Variants in GTF2H2C observed in about 807,000 individuals in gnomAD.
The protein encoded by GTF2H2C is general transcription factor IIH subunit 2-like protein.
Under a neutral mutation model 24.8 loss-of-function variants are expected in GTF2H2C, and 5 were observed. The observed-to-expected ratio is 0.20, with a 90% CI of 0.11 to 0.42. The LOEUF is 0.42. Among genes scored for constraint, GTF2H2C ranks in the 20% least tolerant of loss-of-function variants. The pLI, the probability that GTF2H2C is intolerant of heterozygous loss-of-function variation, is 1.00. For missense variants in GTF2H2C, 45 were observed against 169.8 expected (o/e 0.27, Z 4.08); for synonymous variants, 14 against 52.6 (o/e 0.27, Z 3.18).
At chr5:69,573,171 C>CAA (rs1771169987) in intron 9 of GTF2H2C, among the ~76,000 whole-genome samples, 2 of 145,230 alleles carry the variant, frequency 1.4e-5, no homozygotes, top group African/African-American at 2.5e-5. Flanking sequence ...CACACACACA[C>CAA]ACACACACAC....
intron 1 of GTF2H2C, among the ~76,000 whole-genome samples, chr5:69,560,885 G>A (rs1377191498): frequency 6.6e-6 from 1 of 151,692 alleles, no homozygotes; most frequent in East Asian, 1.9e-4. Context: ...AGCCTCCCGA[G>A]TAGCTGGAAC....
At chr5:69,563,316 G>A (rs538132528) in intron 2 of GTF2H2C, among the ~76,000 whole-genome samples, 115 of 149,522 alleles carry the variant, frequency 7.7e-4, no homozygotes, top group African/African-American at 2.8e-3. Context: ...CCAGGTTCAA[G>A]GAATTCTCCT....
chr5:69,573,481 G>A (rs1771203948), intron 9 of GTF2H2C, among the ~76,000 whole-genome samples: 1 of 53,200 alleles, frequency 1.9e-5, no homozygotes, highest in Non-Finnish European at 3.8e-5. Flanking sequence ...AGTCTGCCCT[G>A]GCTCAGACTT....
At chr5:69,591,563 A>G (rs1428576622) in intron 16 of GTF2H2C, among the ~76,000 whole-genome samples, 7 of 151,820 alleles carry the variant, frequency 4.6e-5, no homozygotes, top group African/African-American at 1.2e-4. Flanking sequence ...GCAAGTACTC[A>G]TATATGTAAT....
In GTF2H2C at chr5:69,594,443, AC is replaced by A; in HGVS notation, c.*2246del. On this transcript the variant is annotated 3_prime_UTR_variant, in exon 17 of 17. Transcript: ENST00000380729. ...AGGAATATTCATTTTTAATACACAC[AC>A]ACACACACACACACACACACACACA... 3 of 142,380 alleles carry A rather than the reference AC, an allele frequency of 2.1e-5. No individual in the cohort carries two copies. Among genetic ancestry groups the A allele is most frequent in the Non-Finnish European group, 3.1e-5 (2 of 64,242 alleles). 8.8% of individuals were successfully genotyped at this position (142,380 alleles called of 1,614,324 possible).
Position 69,594,055 on chromosome 5 carries a change from ATT to A in GTF2H2C, c.*1875_*1876del, listed in dbSNP as rs1162526295. Among the ~76,000 whole-genome samples, 44 of 13,288 alleles carry A rather than the reference ATT, an allele frequency of 3.3e-3. No homozygotes were observed. The highest frequency in any genetic ancestry group is 6.8e-3 in the African/African-American group (28 of 4,130). 8.7% of individuals were successfully genotyped at this position (13,288 alleles called of 152,430 possible). ...CTTGAGTTTCACTATGAAATTTGTG[ATT>A]TTTTTTTTTTTTTTTTTGAGATGGA... On this transcript the variant is annotated 3_prime_UTR_variant, in exon 17 of 17. Coordinates refer to ENST00000380729, the MANE Select transcript of GTF2H2C (RefSeq NM_001376000.2).
At chr5:69,578,989 TA>T in intron 10 of GTF2H2C, 31 bp from the exon 11 acceptor site, 1 of 101,492 alleles carries the variant, frequency 9.9e-6, no homozygotes, top group East Asian at 1.1e-4. Flanking sequence ...TCTTCTTTCC[TA>T]AAACTATCTA....
At chr5:69,562,187 T>C (rs879980550) in intron 1 of GTF2H2C, among the ~76,000 whole-genome samples, 495 of 147,940 alleles carry the variant, frequency 3.3e-3, no homozygotes, top group Middle Eastern at 0.01. Context: ...GGTGTGGTGG[T>C]GGGCTCTTGT....
chr5:69,568,786 C>T (rs1770925811), intron 8 of GTF2H2C: 1 of 80,406 alleles, frequency 1.2e-5, no homozygotes, highest in Non-Finnish European at 2.6e-5. Context: ...TGAGCCACCG[C>T]ATCCGGCCTT....
At chr5:69,561,083 C>T (rs1770304674) in intron 1 of GTF2H2C, among the ~76,000 whole-genome samples, 1 of 152,070 alleles carries the variant, frequency 6.6e-6, no homozygotes, top group South Asian at 2.1e-4. Context: ...AGAAAATGGA[C>T]TGTTGGGAAG....
intron 1 of GTF2H2C, among the ~76,000 whole-genome samples, chr5:69,561,791 C>T (rs1201169535): frequency 2.0e-5 from 3 of 150,794 alleles, no homozygotes; most frequent in Non-Finnish European, 4.4e-5. Flanking sequence ...CTCAAGTACT[C>T]GCCACCTCGC....
chr5:69,573,153 C>T (rs1327365096), intron 9 of GTF2H2C, among the ~76,000 whole-genome samples: 7 of 138,850 alleles, frequency 5.0e-5, no homozygotes, highest in Non-Finnish European at 9.3e-5. Context: ...TATACACACA[C>T]ACACACACAC....
In GTF2H2C at chr5:69,573,143, TATACACACACACAC is replaced by T. The variant is rs1182153147; in HGVS notation, c.470+595_470+608del. 3.3e-5 allele frequency among the ~76,000 whole-genome samples: 3 copies of T among 92,082 alleles called. No individual in the cohort carries two copies. The Admixed American group carries it at 3.6e-4, about 11-fold the overall frequency. The allele number at this position is 92,082 out of a possible 152,430, so 60.4% of individuals were successfully genotyped here. A position where few individuals can be genotyped will look rare whatever the true frequency, so the allele number is the denominator to read the frequency against. On this transcript the variant is annotated intron_variant, in intron 9 of 16. Coordinates refer to ENST00000380729, the MANE Select transcript of GTF2H2C (RefSeq NM_001376000.2). The stretch of plus-strand genomic sequence containing the variant: ...AGTTAAAGCTTATATATCTATTATA[TATACACACACACAC>T]ACACACACACACACACACACACACA...
At chr5:69,568,350 C>T (rs1770875154) in intron 8 of GTF2H2C, 143 bp downstream of exon 8, 1 of 499,720 alleles carries the variant, frequency 2.0e-6, no homozygotes. Flanking sequence ...AATAACATCT[C>T]CCCCACCATT....
chr5:69,560,751 T>A (rs1770265290), intron 1 of GTF2H2C: 2 of 151,828 alleles, frequency 1.3e-5, no homozygotes, highest in South Asian at 4.2e-4. Flanking sequence ...AGGAAACAGA[T>A]CACTTAAAAA....
intron 1 of GTF2H2C, among the ~76,000 whole-genome samples, chr5:69,561,957 T>G (rs910114785): frequency 6.6e-6 from 1 of 152,128 alleles, no homozygotes; most frequent in African/African-American, 2.4e-5. Context: ...TTAAAAACGT[T>G]GAGAACGTTA....
intron 1 of GTF2H2C, among the ~76,000 whole-genome samples, chr5:69,561,898 G>C (rs539791917): frequency 6.6e-6 from 1 of 152,110 alleles, no homozygotes; most frequent in East Asian, 1.9e-4. Context: ...GCCTCTCAAA[G>C]TGCTGGGATT....
At chr5:69,580,430 AT>A (rs1771503783) in intron 12 of GTF2H2C, among the ~76,000 whole-genome samples, 1 of 136,104 alleles carries the variant, frequency 7.3e-6, no homozygotes, top group Non-Finnish European at 1.6e-5. Context: ...TATATTAAAA[AT>A]TTTTTAAAAT....
chr5:69,580,245 T>G (rs2112238737), intron 12 of GTF2H2C, among the ~76,000 whole-genome samples: 1 of 133,198 alleles, frequency 7.5e-6, no homozygotes, highest in East Asian at 2.4e-4. Context: ...ATACAAAAAA[T>G]TAGCCAGGCG....
Sources: allele counts gnomAD v4.1 joint callset (sites outside exome capture counted in the v4.1 genomes callset), GRCh38; gene constraint gnomAD v4.1.1; transcripts MANE v1.5; gene names NCBI Gene and HGNC (gene_info 2026-07-23, HGNC 2026-07-21).